The following RNF150 variants were observed in gnomAD, a reference collection of about 807,000 sequenced individuals.
The protein encoded by RNF150 is ring finger protein 150.
A neutral mutation model predicts 39.3 loss-of-function variants in RNF150; 24 were observed. That is an observed-to-expected ratio of 0.61 (90% CI 0.44 to 0.86). The LOEUF (loss-of-function observed/expected upper bound fraction) is 0.86. RNF150 is among the 40% of genes least tolerant of loss of function. The pLI, the probability that RNF150 is intolerant of heterozygous loss-of-function variation, is 0.00. For synonymous variants in RNF150, 255 were observed against 227.3 expected (o/e 1.12, Z -1.10); for missense variants, 502 against 587.8 (o/e 0.85, Z 1.51).
chr4:141,093,952 T>C (rs1738685457), intron 1 of RNF150, among the ~76,000 whole-genome samples: 1 of 150,992 alleles, frequency 6.6e-6, no homozygotes, highest in Non-Finnish European at 1.5e-5. Context: ...CTAAACAGAG[T>C]TGAACAAGAA....
intron 1 of RNF150, among the ~76,000 whole-genome samples, chr4:141,102,794 C>T (rs1019703562): frequency 6.6e-6 from 1 of 152,206 alleles, no homozygotes; most frequent in South Asian, 2.1e-4. Context: ...GCGGTTGTCT[C>T]CAGCAAAAGT....
chr4:141,207,364 G>GA (rs897083240), intron 1 of RNF150, among the ~76,000 whole-genome samples: 34 of 152,206 alleles, frequency 2.2e-4, no homozygotes, highest in African/African-American at 7.2e-4. Flanking sequence ...GCAGCAGAAG[G>GA]AAAAAAATCA....
chr4:141,155,146 C>T (rs571492590), intron 1 of RNF150, among the ~76,000 whole-genome samples: 39 of 152,106 alleles, frequency 2.6e-4, no homozygotes, highest in South Asian at 2.1e-3. Context: ...AGTGCAGTGG[C>T]GCGATCTTGG....
At chr4:141,051,838 G>T (rs1268132265) in intron 1 of RNF150, among the ~76,000 whole-genome samples, 1 of 152,024 alleles carries the variant, frequency 6.6e-6, no homozygotes, top group Admixed American at 6.6e-5. Flanking sequence ...CACATTTTTG[G>T]GTATCTTTTC....
chr4:140,909,702 C>T (rs1013405434), intron 6 of RNF150, among the ~76,000 whole-genome samples: 8 of 152,042 alleles, frequency 5.3e-5, no homozygotes, highest in South Asian at 4.1e-4. Flanking sequence ...ATATTAATAT[C>T]GGGCTGCACC....
chr4:141,104,230 T>G (rs1296768355), intron 1 of RNF150, among the ~76,000 whole-genome samples: 1 of 152,098 alleles, frequency 6.6e-6, no homozygotes, highest in Non-Finnish European at 1.5e-5. Context: ...CTCCAATGTA[T>G]TAGAGCTCAA....
At chr4:141,143,499 C>T (rs1025379174) in intron 1 of RNF150, among the ~76,000 whole-genome samples, 3 of 152,162 alleles carry the variant, frequency 2.0e-5, no homozygotes, top group Non-Finnish European at 2.9e-5. Flanking sequence ...CCCATTACCA[C>T]CTTAGTTCAG....
intron 1 of RNF150, among the ~76,000 whole-genome samples, chr4:141,154,570 G>A (rs1727351890): frequency 6.6e-6 from 1 of 152,182 alleles, no homozygotes. Flanking sequence ...TCTCTGCCTT[G>A]GCTGAACACC....
chr4:141,014,041 T>C (rs1251221393), intron 1 of RNF150, among the ~76,000 whole-genome samples: 1 of 152,102 alleles, frequency 6.6e-6, no homozygotes, highest in East Asian at 1.9e-4. Context: ...TCTCTTCCTA[T>C]GAGTTCAACT....
At chr4:141,110,515 T>C (rs1739352867) in intron 1 of RNF150, among the ~76,000 whole-genome samples, 1 of 150,836 alleles carries the variant, frequency 6.6e-6, no homozygotes, top group African/African-American at 2.5e-5. Flanking sequence ...AGCCTAAAGC[T>C]CCTGGGCTCA....
chr4:141,020,244 A>G (rs551588234), intron 1 of RNF150, among the ~76,000 whole-genome samples: 2 of 152,212 alleles, frequency 1.3e-5, no homozygotes, highest in Admixed American at 6.6e-5. Context: ...TGGAAATATT[A>G]AAAGATATTT....
chr4:141,078,806 A>AT (rs1738021706), intron 1 of RNF150, among the ~76,000 whole-genome samples: 1 of 62,880 alleles, frequency 1.6e-5, no homozygotes, highest in Non-Finnish European at 3.3e-5. Context: ...AAAAAAAAAA[A>AT]AAATATATAT....
At chr4:140,999,579 A>G (rs1377800927) in intron 1 of RNF150, among the ~76,000 whole-genome samples, 1 of 152,200 alleles carries the variant, frequency 6.6e-6, no homozygotes, top group Non-Finnish European at 1.5e-5. Flanking sequence ...TTCAAAAGAA[A>G]GTATGACCCA....
intron 1 of RNF150, among the ~76,000 whole-genome samples, chr4:140,988,149 T>C (rs528984550): frequency 1.7e-4 from 26 of 152,330 alleles, no homozygotes; most frequent in African/African-American, 5.3e-4. Flanking sequence ...AATACACTGC[T>C]GGTGGGAGTG....
chr4:141,186,833 T>G (rs1185018518), intron 1 of RNF150, among the ~76,000 whole-genome samples: 2 of 152,092 alleles, frequency 1.3e-5, no homozygotes, highest in Admixed American at 1.3e-4. Context: ...TTTTGAAGGG[T>G]TTTTCATGTC....
chr4:141,016,441 A>C (rs1172059157), intron 1 of RNF150, among the ~76,000 whole-genome samples: 1 of 139,400 alleles, frequency 7.2e-6, no homozygotes, highest in Admixed American at 7.8e-5. Context: ...ATGTCATTAA[A>C]AGCAGGTATA....
chr4:141,183,318 C>T (rs141904515), intron 1 of RNF150, among the ~76,000 whole-genome samples: 187 of 152,124 alleles, frequency 1.2e-3, no homozygotes, highest in African/African-American at 3.3e-3. Context: ...CTAAGATTGT[C>T]CCCAATTATC....
At chr4:141,002,913 A>G (rs1461433655) in intron 1 of RNF150, among the ~76,000 whole-genome samples, 1 of 152,164 alleles carries the variant, frequency 6.6e-6, no homozygotes, top group Non-Finnish European at 1.5e-5. Flanking sequence ...CTGTGTTCCA[A>G]AAGTTAAGAA....
At chr4:140,963,327 C>A (rs962234443) in intron 2 of RNF150, among the ~76,000 whole-genome samples, 4 of 152,012 alleles carry the variant, frequency 2.6e-5, no homozygotes, top group African/African-American at 9.7e-5. Flanking sequence ...TAAGAATCAG[C>A]TAATTCCAGT....
Sources: gnomAD v4.1 joint callset for allele counts (sites outside exome capture counted in the v4.1 genomes callset) on GRCh38, gnomAD v4.1.1 for gene constraint, MANE v1.5 for transcripts, NCBI Gene and HGNC (gene_info 2026-07-23, HGNC 2026-07-21) for gene names.